The following DCTN3 variants were observed in gnomAD, a reference collection of about 807,000 sequenced individuals.
DCTN3 encodes the protein dynactin 3 (p22).
DCTN3 carries 25 observed loss-of-function variants against 28.4 expected under a neutral mutation model. The observed-to-expected ratio is 0.88, with a 90% confidence interval of 0.64 to 1.23. DCTN3 has a LOEUF of 1.23. DCTN3 is among the 50% of genes most tolerant of loss of function. The pLI is 0.00. For missense variants in DCTN3, 229 were observed against 232.0 expected (o/e 0.99, Z 0.08); for synonymous variants, 81 against 91.4 (o/e 0.89, Z 0.65).
chr9:34,616,074 T>C lies in DCTN3; in HGVS notation c.308A>G (p.Gln103Arg), dbSNP rs148846062. 6.2e-7 allele frequency: 1 copy of C among 1,614,152 alleles called. No individual in the cohort carries two copies. The highest frequency in any genetic ancestry group is 8.5e-7 in the Non-Finnish European group (1 of 1,179,986). ...FILSQVALLE[Q>R]VNALVPMLDS... ...CAGCATGGGCACCAAGGCATTCACC[T>C]GCTCCAGGAGTGCAACCTGGGAAAG... Residue 103 changes from glutamine (Q) to arginine (R), a missense_variant, in exon 4 of 7, where the codon CAG (glutamine) becomes CGG (arginine). By Grantham distance (43) the Gln-to-Arg change is conservative. Transcript: ENST00000259632. This position sits in a 1 kb window ranked among gnomAD's most constrained non-coding sequence, Gnocchi z 4.7.
At chr9:34,617,514 C>A in intron 3 of DCTN3, 1 of 583,016 alleles carries the variant, frequency 1.7e-6, no homozygotes, top group Non-Finnish European at 2.6e-6. Flanking sequence ...TGTTGAAACT[C>A]ATGCCAATAC....
rs1349092244 is a variant in DCTN3, at chr9:34,620,440, G to A, written c.25C>T (p.Arg9Trp). ...AGCTCTTCCACTCGGGCCTGTAGCC[G>A]CTGCAAGTCAGTCAGACCCGCCATC... MAGLTDLQRLQARVEELER... is the reference protein window; with the variant it reads MAGLTDLQWLQARVEELER... The change falls in exon 1 of 7, where the codon CGG (arginine) becomes TGG (tryptophan). Residue 9 changes from arginine (R) to tryptophan (W), a missense_variant. Arg to Trp is a moderately radical substitution (Grantham distance 101). Transcript: ENST00000259632. 2 of 1,555,790 alleles carry A rather than the reference G, an allele frequency of 1.3e-6. No individual in the cohort carries two copies. Among genetic ancestry groups the A allele is most frequent in the East Asian group, 2.4e-5 (1 of 41,274 alleles).
At chr9:34,614,957 C>T (rs1279520016) in intron 4 of DCTN3, 189 bp from the exon 5 acceptor site, 2 of 638,624 alleles carry the variant, frequency 3.1e-6, no homozygotes, top group Admixed American at 2.9e-5. Context: ...CTCCAGGACC[C>T]ATAGGGGAGG....
intron 1 of DCTN3, 64 bp from the exon 2 acceptor site, chr9:34,618,824 A>G (rs1820485649): frequency 7.6e-7 from 1 of 1,308,484 alleles, no homozygotes; most frequent in African/African-American, 1.4e-5. Context: ...GAAAAGTTAA[A>G]GAACCCTCAT....
Position 34,616,454 on chromosome 9 carries a change from A to T in DCTN3, c.269-341T>A. On this transcript the variant is annotated intron_variant, in intron 3 of 6. Coordinates refer to ENST00000259632, the MANE Select transcript of DCTN3 (RefSeq NM_007234.5). The surrounding 1 kb of genome is among the most constrained non-coding windows in gnomAD (Gnocchi z 4.7). ...AAAATACAAAATACTTCAGACTTGG[A>T]TCCCCACACCCAAGGGTCCCCAGGA... is the stretch of plus-strand genomic sequence containing the variant. 4.9e-6 allele frequency: 1 copy of T among 206,066 alleles called. No homozygotes were observed. The highest frequency in any genetic ancestry group is 5.6e-5 in the Admixed American group (1 of 17,850). 12.8% of individuals were successfully genotyped at this position (206,066 alleles called of 1,614,324 possible).
intron 5 of DCTN3, 86 bp from the exon 6 acceptor site, chr9:34,614,187 T>C (rs1293368695): frequency 6.2e-7 from 1 of 1,611,564 alleles, no homozygotes; most frequent in Admixed American, 1.7e-5. Context: ...GGACTCCCAC[T>C]CCCCATGGAG....
At chr9:34,617,992 A>G in intron 2 of DCTN3, 21 bp from the exon 3 acceptor site, 1 of 1,609,490 alleles carries the variant, frequency 6.2e-7, no homozygotes, top group East Asian at 2.2e-5. Context: ...AGCAAGATGG[A>G]AAATGGAATA....
In DCTN3 at chr9:34,618,528, T is replaced by C. The variant is rs879122423; in HGVS notation, c.181+148A>G. 1.9e-4 allele frequency: 124 copies of C among 666,682 alleles called. 3 individuals are homozygous for C. The South Asian group carries it at 2.0e-3, about 11-fold the overall frequency. 41.3% of individuals were successfully genotyped at this position (666,682 alleles called of 1,614,324 possible). A position where few individuals can be genotyped will look rare whatever the true frequency, so the allele number is the denominator to read the frequency against. ...AGAAAAGCACACCACAATTTACCAATTGAATTGGGTGTAGGTAAATGTCCT... is the reference window on the plus strand; with the variant it reads ...AGAAAAGCACACCACAATTTACCAACTGAATTGGGTGTAGGTAAATGTCCT... On this transcript the variant is annotated intron_variant, in intron 2 of 6. Transcript: ENST00000259632.
At chr9:34,614,919 G>C in intron 4 of DCTN3, 151 bp from the exon 5 acceptor site, 1 of 889,700 alleles carries the variant, frequency 1.1e-6, no homozygotes, top group Non-Finnish European at 1.7e-6. Context: ...GGAGGTGGCA[G>C]TGGGGCTCCC....
Position 34,618,670 on chromosome 9 carries a change from A to T in DCTN3, c.181+6T>A, listed in dbSNP as rs1210399958. The T allele has an allele frequency of 6.2e-7, 1 of 1,612,622 alleles. No homozygotes were observed. Among genetic ancestry groups the T allele is most frequent in the South Asian group, 1.1e-5 (1 of 91,068 alleles). On this transcript the variant is annotated splice_donor_region_variant and intron_variant, in intron 2 of 6. Transcript: ENST00000259632. Reference sequence around the variant, plus strand: ...GGGCAGGCAGGCACATCATGGAAGCACTTACTCTTTTTGTAGAGAATCTTC... The same window carrying T: ...GGGCAGGCAGGCACATCATGGAAGCTCTTACTCTTTTTGTAGAGAATCTTC...
chr9:34,613,771 G>A lies in DCTN3; in HGVS notation c.*11C>T. ...GACTGCCCAGGCCCACTTTGGGATG[G>A]GGAGCAGCTATCACTCCTCTGCTGG... On this transcript the variant is annotated 3_prime_UTR_variant, in exon 7 of 7. Transcript: ENST00000259632. 1 of 1,613,422 alleles carries A rather than the reference G, an allele frequency of 6.2e-7. No individual in the cohort carries two copies. The highest frequency in any genetic ancestry group is 8.5e-7 in the Non-Finnish European group (1 of 1,179,664).
Position 34,616,608 on chromosome 9 carries a change from T to TCTGGGCTCTGTATGCA in DCTN3, c.269-496_269-495insTGCATACAGAGCCCAG, listed in dbSNP as rs1820429841. Reference sequence around the variant, plus strand: ...GAAGAGTCCAGTGAGGAGAGCAGGATCTGGGCTAGGCCCTGTATGCACACG... The same window carrying TCTGGGCTCTGTATGCA: ...GAAGAGTCCAGTGAGGAGAGCAGGATCTGGGCTCTGTATGCACTGGGCTAGGCCCTGTATGCACACG... On this transcript the variant is annotated intron_variant, in intron 3 of 6. Transcript: ENST00000259632. The surrounding 1 kb of genome is among the most constrained non-coding windows in gnomAD (Gnocchi z 4.7). 6.5e-6 allele frequency: 1 copy of TCTGGGCTCTGTATGCA among 154,848 alleles called. No individual in the cohort carries two copies. The highest frequency in any genetic ancestry group is 2.4e-5 in the African/African-American group (1 of 41,482). The allele number at this position is 154,848 out of a possible 1,614,324, so 9.6% of individuals were successfully genotyped here.
intron 4 of DCTN3, 118 bp downstream of exon 4, chr9:34,615,912 A>AAG: frequency 1.3e-6 from 1 of 753,022 alleles, no homozygotes; most frequent in East Asian, 2.8e-5. Context: ...AAAAAAAAAA[A>AAG]AAAGATAAGG....
At position 34,613,570 on chromosome 9, in the gene DCTN3, T is replaced by A; in HGVS notation, c.*212A>T. On this transcript the variant is annotated 3_prime_UTR_variant, in exon 7 of 7. Transcript: ENST00000259632. ...CTCCAGTCATCTCTATGGTTTATTG[T>A]CACTGAAATAAGAACACTGATTGGG... 1 of 461,446 alleles carries A rather than the reference T, an allele frequency of 2.2e-6. No homozygotes were observed. Among genetic ancestry groups the A allele is most frequent in the Non-Finnish European group, 3.9e-6 (1 of 257,976 alleles). The allele number at this position is 461,446 out of a possible 1,614,324, so 28.6% of individuals were successfully genotyped here.
chr9:34,619,591 G>A (rs113633518), intron 1 of DCTN3, among the ~76,000 whole-genome samples: 14 of 152,256 alleles, frequency 9.2e-5, no homozygotes, highest in Admixed American at 3.3e-4. Context: ...AGAGGTAGAA[G>A]GAAAACCAGG....
Position 34,616,194 on chromosome 9 carries a change from T to C in DCTN3, c.269-81A>G. The C allele has an allele frequency of 9.3e-7, 1 of 1,071,382 alleles. No individual in the cohort carries two copies. The highest frequency in any genetic ancestry group is 1.4e-6 in the Non-Finnish European group (1 of 705,038). The allele number at this position is 1,071,382 out of a possible 1,614,324, so 66.4% of individuals were successfully genotyped here. A position where few individuals can be genotyped will look rare whatever the true frequency, so the allele number is the denominator to read the frequency against. The stretch of plus-strand genomic sequence containing the variant: ...CAGCCCATGTAAGGGCCTGAGGACC[T>C]GGCAAGGGAGATGGCTAGGTCCTAG... On this transcript the variant is annotated intron_variant, in intron 3 of 6. Transcript: ENST00000259632. This position sits in a 1 kb window ranked among gnomAD's most constrained non-coding sequence, Gnocchi z 4.7.
Position 34,616,035 on chromosome 9 carries a change from A to G in DCTN3, c.347T>C (p.Ile116Thr). Residue 116 changes from isoleucine to threonine, a missense_variant, in exon 4 of 7, where the codon ATC (isoleucine) becomes ACC (threonine). By Grantham distance (89) the Ile-to-Thr change is moderately conservative. Coordinates refer to ENST00000259632, the MANE Select transcript of DCTN3 (RefSeq NM_007234.5). The surrounding 1 kb of genome is among the most constrained non-coding windows in gnomAD (Gnocchi z 4.7). ...ALVPMLDSAHIKAVPEHAARL... is the reference protein window; with the variant it reads ...ALVPMLDSAHTKAVPEHAARL... ...CTATAACCCCAGAGAGATACCTTTG[A>G]TGTGAGCACTGTCCAGCATGGGCAC... The G allele has an allele frequency of 1.4e-5, 23 of 1,613,912 alleles. No homozygotes were observed. Among genetic ancestry groups the G allele is most frequent in the Non-Finnish European group, 1.9e-5 (23 of 1,179,836 alleles).
At chr9:34,617,173 C>T (rs1274157196) in intron 3 of DCTN3, among the ~76,000 whole-genome samples, 1 of 152,178 alleles carries the variant, frequency 6.6e-6, no homozygotes, top group East Asian at 1.9e-4. Context: ...CATCCTTACC[C>T]AGTCCTCAGT....
intron 4 of DCTN3, 54 bp downstream of exon 4, chr9:34,615,976 C>A: frequency 6.8e-7 from 1 of 1,460,972 alleles, no homozygotes; most frequent in Non-Finnish European, 9.6e-7. Flanking sequence ...TCTTGCCCAT[C>A]CATCCACCTA....
Sources: gnomAD v4.1 joint callset for allele counts (sites outside exome capture counted in the v4.1 genomes callset) on GRCh38, gnomAD v4.1.1 for gene constraint, Gnocchi (gnomAD v3.1) non-coding constraint, MANE v1.5 for transcripts, NCBI Gene and HGNC (gene_info 2026-07-23, HGNC 2026-07-21) for gene names.